The following FBL variants were observed in gnomAD, a reference collection of about 807,000 sequenced individuals.
FBL encodes the protein rRNA 2'-O-methyltransferase fibrillarin.
FBL carries 10 observed loss-of-function variants against 42.2 expected under a neutral mutation model. The observed-to-expected ratio is 0.24, with a 90% CI of 0.15 to 0.40. FBL has a LOEUF of 0.40. Ranked by LOEUF, FBL falls within the 10% of genes least tolerant of loss-of-function variation. The probability of loss-of-function intolerance (pLI) is 1.00; values close to 1 mark genes in which losing one functional copy is unlikely to be tolerated. For missense variants in FBL, 351 were observed against 439.2 expected (o/e 0.80, Z 1.79); for synonymous variants, 165 against 165.4 (o/e 1.00, Z 0.02).
intron 6 of FBL, 22 bp from the exon 7 acceptor site, chr19:39,836,690 T>C (rs944217244): frequency 6.3e-7 from 1 of 1,596,280 alleles, no homozygotes; most frequent in Admixed American, 1.7e-5. Context: ...GGAGCAGCAG[T>C]TAAAAGTTGG....
At chr19:39,842,708 G>A (rs2145065575) in intron 1 of FBL, among the ~76,000 whole-genome samples, 1 of 152,150 alleles carries the variant, frequency 6.6e-6, no homozygotes, top group South Asian at 2.1e-4. Flanking sequence ...TCCTTTCCCT[G>A]GCTTACAAAG....
chr19:39,845,089 C>G (rs1969235350), intron 1 of FBL, among the ~76,000 whole-genome samples: 1 of 152,092 alleles, frequency 6.6e-6, no homozygotes, highest in South Asian at 2.1e-4. Flanking sequence ...GGGCACAGAT[C>G]CACAAATCTC....
At chr19:39,836,707 AG>A (rs906733564) in intron 6 of FBL, 39 bp from the exon 7 acceptor site, 1 of 1,519,830 alleles carries the variant, frequency 6.6e-7, no homozygotes, top group Non-Finnish European at 9.1e-7. Context: ...TTGGAGTCAC[AG>A]GGATCACCCC....
At chr19:39,839,354 G>A in intron 4 of FBL, 149 bp from the exon 5 acceptor site, 1 of 613,766 alleles carries the variant, frequency 1.6e-6, no homozygotes, top group Non-Finnish European at 2.8e-6. Context: ...TGCACATGCA[G>A]TCGCTGCCCT....
chr19:39,835,411 C>T (rs1044694431), intron 7 of FBL, among the ~76,000 whole-genome samples: 1 of 151,720 alleles, frequency 6.6e-6, no homozygotes, highest in African/African-American at 2.4e-5. Context: ...CCCACCTACT[C>T]GGGAAGCTGA....
In FBL at chr19:39,837,779, T is replaced by C. The variant is rs1428626050; in HGVS notation, c.614A>G (p.Lys205Arg). 6.2e-7 allele frequency: 1 copy of C among 1,609,084 alleles called. No individual in the cohort carries two copies. The highest frequency in any genetic ancestry group is 8.5e-7 in the Non-Finnish European group (1 of 1,178,110). The change falls in exon 6 of 9, where the codon AAG (lysine) becomes AGG (arginine). Residue 205 changes from lysine (K) to arginine (R), a missense_variant. Physicochemically the swap from Lys to Arg is conservative, Grantham distance 26. Coordinates refer to ENST00000221801, the MANE Select transcript of FBL (RefSeq NM_001436.4). ...CACAGGAATGATGTTGGTCCTCTTCTTGGCCAAGTTAATGAGGTCACGGCC... is the reference window on the plus strand; with the variant it reads ...CACAGGAATGATGTTGGTCCTCTTCCTGGCCAAGTTAATGAGGTCACGGCC... ...RSGRDLINLA[K>R]KRTNIIPVIE...
Position 39,846,345 on chromosome 19 carries a change from A to T in FBL, c.-45T>A, listed in dbSNP as rs1377557192. The T allele has an allele frequency of 1.2e-6, 2 of 1,610,428 alleles. No individual in the cohort carries two copies. Among genetic ancestry groups the T allele is most frequent in the Non-Finnish European group, 1.7e-6 (2 of 1,178,498 alleles). ...GGCTCCGGAGTCCGCGGCGTTCACAACTCCACGAGTCCGGGGCTTTCGCAC... is the reference window on the plus strand; with the variant it reads ...GGCTCCGGAGTCCGCGGCGTTCACATCTCCACGAGTCCGGGGCTTTCGCAC... On this transcript the variant is annotated 5_prime_UTR_variant, in exon 1 of 9. In the 5' UTR this introduces an upstream ATG that the reference lacks. Coordinates refer to ENST00000221801, the MANE Select transcript of FBL (RefSeq NM_001436.4).
chr19:39,846,329 G>A lies in FBL; in HGVS notation c.-29C>T, dbSNP rs747148798. The A allele has an allele frequency of 6.2e-6, 10 of 1,612,752 alleles. No homozygotes were observed. The Admixed American group carries it at 6.7e-5, about 11-fold the overall frequency. On this transcript the variant is annotated 5_prime_UTR_variant, in exon 1 of 9. Transcript: ENST00000221801. ...GAGCCCTGGTTTGTGCGGCTCCGGA[G>A]TCCGCGGCGTTCACAACTCCACGAG...
In FBL at chr19:39,840,470, C is replaced by T. The variant is rs1435744384; in HGVS notation, c.227G>A (p.Gly76Glu). 4 of 1,614,156 alleles carry T rather than the reference C, an allele frequency of 2.5e-6. No individual in the cohort carries two copies. In the East Asian group the frequency reaches 8.9e-5, roughly 36 times the overall value. Residue 76 changes from glycine (G) to glutamate (E), a missense_variant, in exon 3 of 9, where the codon GGA becomes GAA. Gly to Glu is a moderately conservative substitution (Grantham distance 98). Coordinates refer to ENST00000221801, the MANE Select transcript of FBL (RefSeq NM_001436.4). This position sits in a 1 kb window ranked among gnomAD's most constrained non-coding sequence, Gnocchi z 4.5. Reference protein sequence around the residue: ...SGGNRGRGRGGKRGNQSGKNV... With the variant: ...SGGNRGRGRGEKRGNQSGKNV... ...CTTCCCCGACTGGTTTCCTCTTTTT[C>T]CTCCCCGACCACGACCCCGGTTGCC...
intron 6 of FBL, 87 bp downstream of exon 6, chr19:39,837,624 T>A: frequency 7.9e-7 from 1 of 1,259,784 alleles, no homozygotes; most frequent in Admixed American, 2.5e-5. Flanking sequence ...CCACTCCAAC[T>A]CCATCCGAAT....
intron 1 of FBL, among the ~76,000 whole-genome samples, chr19:39,844,127 C>G (rs946657842): frequency 7.2e-5 from 11 of 152,210 alleles, no homozygotes; most frequent in African/African-American, 2.7e-4. Context: ...ACTCCCCCTA[C>G]AGTCCACTTT....
chr19:39,838,864 T>C, intron 5 of FBL, 171 bp downstream of exon 5: 5 of 623,300 alleles, frequency 8.0e-6, no homozygotes, highest in Non-Finnish European at 1.1e-5. Context: ...AGGAGTGAGG[T>C]TGAATGACAT....
intron 1 of FBL, among the ~76,000 whole-genome samples, chr19:39,845,103 C>T (rs530203765): frequency 1.3e-5 from 2 of 152,114 alleles, no homozygotes; most frequent in Admixed American, 1.3e-4. Context: ...AAATCTCCTG[C>T]CAGGTGACCC....
chr19:39,838,573 TTTAAGGCAC>T (rs1177953405), intron 5 of FBL: 1 of 154,430 alleles, frequency 6.5e-6, no homozygotes, highest in Non-Finnish European at 1.4e-5. Context: ...AGCCTGAGGT[TTTAAGGCAC>T]TACACTTAAC....
At chr19:39,838,789 TC>T (rs1427755885) in intron 5 of FBL, 17 of 423,394 alleles carry the variant, frequency 4.0e-5, no homozygotes, top group African/African-American at 2.6e-4. Context: ...GTATCTATAC[TC>T]CCCGTTGTCT....
intron 1 of FBL, among the ~76,000 whole-genome samples, chr19:39,842,917 T>C (rs1392754121): frequency 6.6e-6 from 1 of 152,154 alleles, no homozygotes; most frequent in Non-Finnish European, 1.5e-5. Flanking sequence ...CCACCAAGCA[T>C]ACACAGTCCA....
chr19:39,846,374 G>A lies in FBL; in HGVS notation c.-74C>T, dbSNP rs1969264348. ...CACGAGTCCGGGGCTTTCGCACGTGGAAAAGAGCGCAGGCGCGCGGCGACG... is the reference window on the plus strand; with the variant it reads ...CACGAGTCCGGGGCTTTCGCACGTGAAAAAGAGCGCAGGCGCGCGGCGACG... On this transcript the variant is annotated 5_prime_UTR_variant, in exon 1 of 9. Transcript: ENST00000221801. 1.3e-6 allele frequency: 2 copies of A among 1,588,156 alleles called. No individual in the cohort carries two copies. Among genetic ancestry groups the A allele is most frequent in the Admixed American group, 1.7e-5 (1 of 59,004 alleles).
chr19:39,838,263 G>GGT (rs1969088493), intron 5 of FBL: 1 of 144,578 alleles, frequency 6.9e-6, no homozygotes, highest in African/African-American at 2.6e-5. Context: ...TAAAGCCTGA[G>GGT]GTTTTTTTTT....
rs1969131071 is a variant in FBL, at chr19:39,840,156, T to C, written c.378+77A>G. ...CTCCAGCTGTCACGTGCAGGACACA[T>C]GGTGAGGGCAGACACAGACTACTGG... On this transcript the variant is annotated intron_variant, in intron 4 of 8. Coordinates refer to ENST00000221801, the MANE Select transcript of FBL (RefSeq NM_001436.4). The surrounding 1 kb of genome is among the most constrained non-coding windows in gnomAD (Gnocchi z 4.5). 8 of 966,736 alleles carry C rather than the reference T, an allele frequency of 8.3e-6. No homozygotes were observed. Among genetic ancestry groups the C allele is most frequent in the Admixed American group, 1.7e-5 (1 of 57,662 alleles). The allele number at this position is 966,736 out of a possible 1,614,324, so 59.9% of individuals were successfully genotyped here.
Sources: gnomAD v4.1 joint callset for allele counts (sites outside exome capture counted in the v4.1 genomes callset) on GRCh38, gnomAD v4.1.1 for gene constraint, Gnocchi (gnomAD v3.1) non-coding constraint, MANE v1.5 for transcripts, NCBI Gene and HGNC (gene_info 2026-07-23, HGNC 2026-07-21) for gene names.